The following PHACTR2 variants were observed in gnomAD, a reference collection of about 807,000 sequenced individuals.
The protein encoded by PHACTR2 is chromosome 6 open reading frame 56.
PHACTR2 carries 30 observed loss-of-function variants against 76.0 expected under a neutral mutation model. The ratio of observed to expected loss-of-function variants is 0.39; its 90% CI spans 0.30 to 0.54. PHACTR2 has a LOEUF of 0.54. Among genes scored for constraint, PHACTR2 ranks in the 20% least tolerant of loss-of-function variants. PHACTR2 has a pLI of 0.61. For synonymous variants in PHACTR2, 292 were observed against 292.5 expected (o/e 1.00, Z 0.02); for missense variants, 696 against 781.1 (o/e 0.89, Z 1.30).
intron 11 of PHACTR2, among the ~76,000 whole-genome samples, chr6:143,799,022 C>A (rs1411655193): frequency 6.6e-6 from 1 of 152,038 alleles, no homozygotes; most frequent in Non-Finnish European, 1.5e-5. Flanking sequence ...GTCCTGGACT[C>A]TTTTTGGTTG....
chr6:143,681,818 C>T (rs964094981), intron 1 of PHACTR2, among the ~76,000 whole-genome samples: 1 of 152,222 alleles, frequency 6.6e-6, no homozygotes, highest in South Asian at 2.1e-4. Flanking sequence ...TGTTCCAGCA[C>T]CATTTGTTGA....
chr6:143,703,156 T>TAAAAAAAAAAAAAA (rs57738495), intron 1 of PHACTR2, among the ~76,000 whole-genome samples: 2 of 91,148 alleles, frequency 2.2e-5, no homozygotes, highest in African/African-American at 4.3e-5. Context: ...AAAAAATTAC[T>TAAAAAAAAAAAAAA]AAAAAAAAAA....
rs951638907 is a variant in PHACTR2 at position 143,570,804 on chromosome 6, C to T, written c.217+33597C>T. 2.6e-5 allele frequency among the ~76,000 whole-genome samples: 4 copies of T among 151,994 alleles called. No homozygotes were observed. Among genetic ancestry groups the T allele is most frequent in the Admixed American group, 6.6e-5 (1 of 15,254 alleles). Reference sequence around the variant, plus strand: ...TCTATCTTATTGAGCACACTTTTGACGGTGGAGATGCCGCTTTATTGCAAA... The same window carrying T: ...TCTATCTTATTGAGCACACTTTTGATGGTGGAGATGCCGCTTTATTGCAAA... On this transcript the variant is annotated intron_variant, in intron 1 of 11. Coordinates refer to the PHACTR2 transcript ENST00000367584. This position sits in a 1 kb window ranked among gnomAD's most constrained non-coding sequence, Gnocchi z 4.6.
rs1776127213 is a variant in PHACTR2 at position 143,809,303 on chromosome 6, A to G, written c.1922+2170A>G. 6.6e-6 allele frequency among the ~76,000 whole-genome samples: 1 copy of G among 152,212 alleles called. No individual in the cohort carries two copies. The highest frequency in any genetic ancestry group is 2.4e-5 in the African/African-American group (1 of 41,444). On this transcript the variant is annotated intron_variant, in intron 12 of 12. Transcript: ENST00000440869. The surrounding 1 kb of genome is among the most constrained non-coding windows in gnomAD (Gnocchi z 4.2). ...TGTACTCTATATGAAGAAGCACAAT[A>G]AAATTGGAGTACAGGGAGAAGTAAG...
intron 1 of PHACTR2, among the ~76,000 whole-genome samples, chr6:143,573,443 G>C (rs1562240095): frequency 6.6e-6 from 1 of 152,152 alleles, no homozygotes; most frequent in Non-Finnish European, 1.5e-5. Context: ...TCATCCATGG[G>C]AGCCAGCCCA....
Position 143,648,893 on chromosome 6 carries a change from T to C in PHACTR2, c.13+40571T>C, listed in dbSNP as rs1434887231. ...ATGCATATGTGTCTATGTATGTTTG[T>C]GTGTGTGTGTGTGTCTGTCTGGGTC... On this transcript the variant is annotated intron_variant, in intron 1 of 11. Coordinates refer to the PHACTR2 transcript ENST00000305766. The surrounding 1 kb of genome is among the most constrained non-coding windows in gnomAD (Gnocchi z 6.7). Among the ~76,000 whole-genome samples the C allele has an allele frequency of 2.5e-5, 1 of 40,640 alleles. No individual in the cohort carries two copies. Among genetic ancestry groups the C allele is most frequent in the Admixed American group, 2.0e-4 (1 of 5,022 alleles). The allele number at this position is 40,640 out of a possible 152,430, so 26.7% of individuals were successfully genotyped here. A position where few individuals can be genotyped will look rare whatever the true frequency, so the allele number is the denominator to read the frequency against.
At chr6:143,657,687 G>A (rs538680680) in intron 1 of PHACTR2, among the ~76,000 whole-genome samples, 4 of 152,346 alleles carry the variant, frequency 2.6e-5, no homozygotes, top group Admixed American at 6.5e-5. Context: ...GAGCTGTGAG[G>A]CAGCTCCAGC....
intron 1 of PHACTR2, among the ~76,000 whole-genome samples, chr6:143,564,181 GTA>G (rs773538046): frequency 0.22 from 12,389 of 55,444 alleles, 966 homozygotes; most frequent in Middle Eastern, 0.3. Flanking sequence ...ATGTGTGTGT[GTA>G]TGTGTGTGTG....
intron 1 of PHACTR2, among the ~76,000 whole-genome samples, chr6:143,707,995 C>T (rs545864030): frequency 3.9e-5 from 6 of 152,224 alleles, no homozygotes; most frequent in African/African-American, 9.6e-5. Flanking sequence ...CAAGAGGGGA[C>T]GGTGCTAAGC....
At chr6:143,682,768 GT>G (rs917142991) in intron 1 of PHACTR2, among the ~76,000 whole-genome samples, 14 of 145,234 alleles carry the variant, frequency 9.6e-5, no homozygotes, top group African/African-American at 2.6e-5. Context: ...AAAAAAAGTT[GT>G]TTTTTTGTTT....
rs1303032642 is a variant in PHACTR2 at position 143,775,184 on chromosome 6, T to C, written c.1589+969T>C. On this transcript the variant is annotated intron_variant, in intron 8 of 12. Transcript: ENST00000440869. The surrounding 1 kb of genome is among the most constrained non-coding windows in gnomAD (Gnocchi z 4.4). ...AAGGCACCTCCTTACAGCTGAGTTG[T>C]GCAGAAAGGTGTCAGAGACAGCAGC... Among the ~76,000 whole-genome samples, 1 of 152,136 alleles carries C rather than the reference T, an allele frequency of 6.6e-6. No homozygotes were observed. The highest frequency in any genetic ancestry group is 1.5e-5 in the Non-Finnish European group (1 of 68,034).
At chr6:143,771,522 C>T (rs961902260) in intron 6 of PHACTR2, among the ~76,000 whole-genome samples, 11 of 151,714 alleles carry the variant, frequency 7.3e-5, no homozygotes, top group Middle Eastern at 3.4e-3. Context: ...CTGCAACCTC[C>T]ACCTCCCGGG....
rs1305364498 is a variant in PHACTR2 at position 143,821,014 on chromosome 6, G to A, written c.1923-2660G>A. Among the ~76,000 whole-genome samples the A allele has an allele frequency of 6.6e-6, 1 of 152,242 alleles. No homozygotes were observed. The highest frequency in any genetic ancestry group is 1.9e-4 in the East Asian group (1 of 5,202). On this transcript the variant is annotated intron_variant, in intron 12 of 12. Transcript: ENST00000440869. The surrounding 1 kb of genome is among the most constrained non-coding windows in gnomAD (Gnocchi z 5.2). ...AGCAGAAGCCTGAGCTGTATCTGGG[G>A]CCCTTTGCGCCAAGGCTGGAGCCAA...
At chr6:143,674,957 G>A (rs1281528441), upstream of PHACTR2, among the ~76,000 whole-genome samples, 3 of 152,144 alleles carry the variant, frequency 2.0e-5, no homozygotes, top group Non-Finnish European at 2.9e-5. The surrounding 1 kb of genome is among the most constrained non-coding windows in gnomAD (Gnocchi z 4.9). Context: ...GCTTTTGTCC[G>A]CTTTAACTTT....
chr6:143,745,737 C>T (rs932849818), intron 2 of PHACTR2, among the ~76,000 whole-genome samples: 1 of 152,226 alleles, frequency 6.6e-6, no homozygotes, highest in African/African-American at 2.4e-5. Context: ...TTCTCATTGG[C>T]CCTGTACAGA....
At chr6:143,673,150 C>A (rs1240426657), upstream of PHACTR2, among the ~76,000 whole-genome samples, 1 of 152,130 alleles carries the variant, frequency 6.6e-6, no homozygotes, top group African/African-American at 2.4e-5. Context: ...TATCCTTATG[C>A]CCATGTGCTA....
intron 1 of PHACTR2, among the ~76,000 whole-genome samples, chr6:143,584,677 T>C (rs761407956): frequency 2.6e-5 from 4 of 152,186 alleles, no homozygotes; most frequent in Non-Finnish European, 5.9e-5. Context: ...AAATGTGTAT[T>C]GTCTATCAGT....
intron 1 of PHACTR2, among the ~76,000 whole-genome samples, chr6:143,685,935 T>C (rs1399688651): frequency 6.6e-6 from 1 of 152,050 alleles, no homozygotes; most frequent in Non-Finnish European, 1.5e-5. Context: ...AGTTTGAGAC[T>C]AGTCTGAACA....
At position 143,821,218 on chromosome 6, in the gene PHACTR2, A is replaced by G. The variant is rs568395118; in HGVS notation, c.1923-2456A>G. Among the ~76,000 whole-genome samples the G allele has an allele frequency of 6.6e-6, 1 of 152,360 alleles. No homozygotes were observed. Among genetic ancestry groups the G allele is most frequent in the Non-Finnish European group, 1.5e-5 (1 of 68,034 alleles). On this transcript the variant is annotated intron_variant, in intron 12 of 12. Transcript: ENST00000440869. This position sits in a 1 kb window ranked among gnomAD's most constrained non-coding sequence, Gnocchi z 5.2. ...AGACTAAGAACAGAACTCAAAGTGG[A>G]CACATTCCTGCTTTAGTAATAAATT...
Sources: gnomAD v4.1 joint callset for allele counts (sites outside exome capture counted in the v4.1 genomes callset) on GRCh38, gnomAD v4.1.1 for gene constraint, Gnocchi (gnomAD v3.1) non-coding constraint, MANE v1.5 for transcripts, NCBI Gene and HGNC (gene_info 2026-07-23, HGNC 2026-07-21) for gene names.